CATSPERB: variants seen among roughly 807,000 people sequenced by gnomAD.
The protein encoded by CATSPERB is cation channel sperm-associated auxiliary subunit beta.
Under a neutral mutation model 128.3 loss-of-function variants are expected in CATSPERB, and 93 were observed. That is an observed-to-expected ratio of 0.72 (90% CI 0.61 to 0.86). CATSPERB has a LOEUF of 0.86. Among genes scored for constraint, CATSPERB ranks in the 40% least tolerant of loss-of-function variants. CATSPERB has a pLI of 0.00. For synonymous variants in CATSPERB, 381 were observed against 448.8 expected, an observed-to-expected ratio of 0.85 and a Z score of 1.91; for missense variants, 1,153 against 1,329.5, an observed-to-expected ratio of 0.87 and a Z score of 2.06.
chr14:91,606,247 A>G (rs1893701095), intron 22 of CATSPERB, among the ~76,000 whole-genome samples: 1 of 152,078 alleles, frequency 6.6e-6, no homozygotes, highest in South Asian at 2.1e-4. Context: ...AGTAGCTATG[A>G]GATTCAGAAA....
chr14:91,658,287 G>A (rs1015265806), intron 15 of CATSPERB, among the ~76,000 whole-genome samples: 1 of 152,034 alleles, frequency 6.6e-6, no homozygotes, highest in Admixed American at 6.5e-5. Flanking sequence ...AGGGACAGAA[G>A]GACAGAGTTT....
chr14:91,601,195 TAA>T (rs1047815394), intron 22 of CATSPERB, among the ~76,000 whole-genome samples: 2 of 152,152 alleles, frequency 1.3e-5, no homozygotes, highest in African/African-American at 4.8e-5. Flanking sequence ...ACTAAATTAA[TAA>T]AATAGGTCCT....
intron 11 of CATSPERB, among the ~76,000 whole-genome samples, chr14:91,682,639 G>A (rs767301460): frequency 2.0e-5 from 3 of 152,176 alleles, no homozygotes; most frequent in Non-Finnish European, 4.4e-5. Context: ...CTACCAGGAT[G>A]AATCCTGTTC....
intron 13 of CATSPERB, among the ~76,000 whole-genome samples, chr14:91,670,450 A>G (rs1379732523): frequency 6.6e-6 from 1 of 151,388 alleles, no homozygotes; most frequent in East Asian, 2.0e-4. Flanking sequence ...GGCCTATGTG[A>G]GAGGATTGCT....
In CATSPERB at chr14:91,671,662, T is replaced by C. The variant is rs561484180; in HGVS notation, c.1128+1205A>G. 1.1e-3 allele frequency among the ~76,000 whole-genome samples: 166 copies of C among 151,984 alleles called. 3 individuals are homozygous for C. In the South Asian group the frequency reaches 0.034, roughly 31 times the overall value. On this transcript the variant is annotated intron_variant, in intron 13 of 26. Coordinates refer to ENST00000256343, the MANE Select transcript of CATSPERB (RefSeq NM_024764.4). ...GTTTGCTGTCCTGAAAACCCATTTA[T>C]CTTTTTTTCTTTTTTTTTAAAAGCA...
Position 91,723,052 on chromosome 14 carries a change from C to T in CATSPERB, c.306G>A (p.Thr102=), listed in dbSNP as rs141312058. The T allele has an allele frequency of 3.2e-5, 48 of 1,498,362 alleles. No individual in the cohort carries two copies. The highest frequency in any genetic ancestry group is 2.4e-4 in the African/African-American group (17 of 70,286). The allele number at this position is 1,498,362 out of a possible 1,614,324, so 92.8% of individuals were successfully genotyped here. The part of the protein sequence containing the change: ...TYNGIFHFNL[T]LFSDRILWLV... The stretch of plus-strand genomic sequence containing the variant: ...GAGTAAGATAAAATGTAATTACCAA[C>T]GTTAAATTAAAGTGGAAGATGCCAT... The change falls in exon 4 of 27, where the codon ACG becomes ACA. Residue 102 remains threonine (T), a synonymous_variant. Transcript: ENST00000256343.
chr14:91,695,379 C>T (rs932875191), intron 7 of CATSPERB, among the ~76,000 whole-genome samples: 1 of 152,120 alleles, frequency 6.6e-6, no homozygotes, highest in Non-Finnish European at 1.5e-5. Flanking sequence ...GATTCGCCCA[C>T]CTCAGCCTCC....
chr14:91,675,653 T>A (rs548513393), intron 11 of CATSPERB, among the ~76,000 whole-genome samples: 5 of 152,244 alleles, frequency 3.3e-5, no homozygotes, highest in African/African-American at 9.6e-5. Flanking sequence ...AGCCTGGGAG[T>A]GCACCATCTG....
At chr14:91,703,641 A>G (rs1895688149) in intron 7 of CATSPERB, among the ~76,000 whole-genome samples, 1 of 152,154 alleles carries the variant, frequency 6.6e-6, no homozygotes, top group African/African-American at 2.4e-5. Flanking sequence ...TTCTCCTTAC[A>G]GTGCAGGTTT....
intron 2 of CATSPERB, among the ~76,000 whole-genome samples, chr14:91,728,786 C>T (rs1335247540): frequency 1.3e-5 from 2 of 152,146 alleles, no homozygotes; most frequent in African/African-American, 4.8e-5. Context: ...CAAGTGTAAC[C>T]ACCAATGGAA....
At chr14:91,677,197 T>C (rs966451308) in intron 11 of CATSPERB, among the ~76,000 whole-genome samples, 1 of 151,876 alleles carries the variant, frequency 6.6e-6, no homozygotes, top group African/African-American at 2.4e-5. Context: ...CAAAAGCAAT[T>C]GTAAGAAAAG....
At chr14:91,596,333 A>G (rs1422511427) in intron 22 of CATSPERB, among the ~76,000 whole-genome samples, 1 of 151,964 alleles carries the variant, frequency 6.6e-6, no homozygotes, top group African/African-American at 2.4e-5. Flanking sequence ...CCTCCTGAGT[A>G]GCTGGGACTA....
chr14:91,607,090 G>C (rs201806342), intron 22 of CATSPERB, among the ~76,000 whole-genome samples: 2 of 118,422 alleles, frequency 1.7e-5, no homozygotes, highest in East Asian at 2.9e-4. Flanking sequence ...TGGGCGGGGG[G>C]GGGGGGGGCG....
intron 7 of CATSPERB, among the ~76,000 whole-genome samples, chr14:91,694,438 CAAAAAAAAAAAAAAA>C (rs547649333): frequency 4.6e-5 from 3 of 65,748 alleles, no homozygotes; most frequent in African/African-American, 1.2e-4. Flanking sequence ...GACCCTATCT[CAAAAAAAAAAAAAAA>C]AAAAAAAAAA....
chr14:91,593,148 G>C (rs61991984), intron 22 of CATSPERB, among the ~76,000 whole-genome samples: 20,505 of 152,256 alleles, frequency 0.13, 1,510 homozygotes, highest in Non-Finnish European at 0.17. Context: ...TGGATGCCCA[G>C]GCAAAAGTTT....
At chr14:91,659,789 A>G (rs1311755541) in intron 15 of CATSPERB, 48 bp downstream of exon 15, 1 of 1,564,740 alleles carries the variant, frequency 6.4e-7, no homozygotes, top group East Asian at 2.3e-5. Flanking sequence ...ATATCTTCTA[A>G]TCCTGGGCCA....
Position 91,581,089 on chromosome 14 carries a change from G to T in CATSPERB, c.3151C>A (p.Pro1051Thr). 1 of 1,613,940 alleles carries T rather than the reference G, an allele frequency of 6.2e-7. No homozygotes were observed. Among genetic ancestry groups the T allele is most frequent in the Non-Finnish European group, 8.5e-7 (1 of 1,179,898 alleles). Residue 1051 changes from proline to threonine, a missense_variant, in exon 27 of 27, where the codon CCA becomes ACA. Transcript: ENST00000256343. ...EEFQIYVDEA[P>T]LPFPGHTLIA... ...AGCGTGTGTCCTGGGAATGGCAATGGTGCCTCATCAACATAAATCTGCAAC... is the reference window on the plus strand; with the variant it reads ...AGCGTGTGTCCTGGGAATGGCAATGTTGCCTCATCAACATAAATCTGCAAC...
At chr14:91,704,511 T>C in intron 7 of CATSPERB, 41 bp downstream of exon 7, 1 of 1,560,316 alleles carries the variant, frequency 6.4e-7, no homozygotes, top group Non-Finnish European at 8.7e-7. Context: ...TTACAAAATA[T>C]AAAAGGCCAA....
At position 91,589,662 on chromosome 14, in the gene CATSPERB, C is replaced by A; in HGVS notation, c.2828G>T (p.Arg943Leu). 1 of 1,612,120 alleles carries A rather than the reference C, an allele frequency of 6.2e-7. No individual in the cohort carries two copies. The highest frequency in any genetic ancestry group is 8.5e-7 in the Non-Finnish European group (1 of 1,179,012). The stretch of plus-strand genomic sequence containing the variant: ...ATATTGTGTAATTGGAAACTTAAAG[C>A]GAGGAACCTAAAATACAAATTCCAA... ...AFSDCREKVPRFKFPITQYPV... is the reference protein window; with the variant it reads ...AFSDCREKVPLFKFPITQYPV... The change falls in exon 24 of 27, where the codon CGC (arginine) becomes CTC (leucine). Residue 943 changes from arginine (R) to leucine (L), a missense_variant. Transcript: ENST00000256343.
Sources: allele counts gnomAD v4.1 joint callset (sites outside exome capture counted in the v4.1 genomes callset), GRCh38; gene constraint gnomAD v4.1.1; transcripts MANE v1.5; gene names NCBI Gene and HGNC (gene_info 2026-07-23, HGNC 2026-07-21).